MAL2: variants seen among roughly 807,000 people sequenced by gnomAD.
MAL2 encodes the protein mal, T cell differentiation protein 2, also known as protein MAL2.
A neutral mutation model predicts 18.1 loss-of-function variants in MAL2; 17 were observed. The ratio of observed to expected loss-of-function variants is 0.94; its 90% confidence interval spans 0.64 to 1.41. The LOEUF (loss-of-function observed/expected upper bound fraction) is 1.41. MAL2 is among the 40% of genes most tolerant of loss of function. The pLI, the probability that MAL2 is intolerant of heterozygous loss-of-function variation, is 0.00. For missense variants in MAL2, 222 were observed against 231.9 expected (o/e 0.96, Z 0.28); for synonymous variants, 102 against 102.3 (o/e 1.00, Z 0.02).
intron 2 of MAL2, among the ~76,000 whole-genome samples, chr8:119,237,188 A>G (rs902700100): frequency 6.6e-6 from 1 of 151,336 alleles, no homozygotes; most frequent in African/African-American, 2.4e-5. Flanking sequence ...GAAAATCTAG[A>G]AGAAATGGAT....
intron 1 of MAL2, 157 bp from the exon 2 acceptor site, chr8:119,221,430 A>G (rs1022798530): frequency 4.8e-6 from 4 of 826,772 alleles, no homozygotes; most frequent in Admixed American, 4.9e-5. Flanking sequence ...GGCATCTTAC[A>G]TAATAAGGGG....
intron 1 of MAL2, among the ~76,000 whole-genome samples, chr8:119,218,461 A>G (rs373630920): frequency 6.6e-6 from 1 of 151,884 alleles, no homozygotes; most frequent in Non-Finnish European, 1.5e-5. Context: ...TCCCCTGCCT[A>G]CCTTTCCAGA....
At chr8:119,234,559 G>C (rs886286662) in intron 2 of MAL2, among the ~76,000 whole-genome samples, 1 of 152,132 alleles carries the variant, frequency 6.6e-6, no homozygotes, top group Admixed American at 6.5e-5. Flanking sequence ...AAATGTCCCT[G>C]TCTGACAGCT....
Position 119,226,413 on chromosome 8 carries a change from T to C in MAL2, c.303+4656T>C, listed in dbSNP as rs558712488. On this transcript the variant is annotated intron_variant, in intron 2 of 3. Coordinates refer to ENST00000614891, the MANE Select transcript of MAL2 (RefSeq NM_052886.3). ...AATAGGGAATCCTTTCCCCCCCTTT[T>C]TTTTTTTAACTAGTAGATGGAAGTT... 2.7e-5 allele frequency among the ~76,000 whole-genome samples: 4 copies of C among 150,424 alleles called. No homozygotes were observed. The East Asian group carries it at 7.9e-4, about 30-fold the overall frequency.
chr8:119,235,667 C>G (rs1342053845), intron 2 of MAL2, among the ~76,000 whole-genome samples: 1 of 151,584 alleles, frequency 6.6e-6, no homozygotes. Flanking sequence ...GAATTTTCAA[C>G]CCAGAATTTC....
chr8:119,237,128 T>C (rs1817922275), intron 2 of MAL2, among the ~76,000 whole-genome samples: 1 of 152,066 alleles, frequency 6.6e-6, no homozygotes, highest in African/African-American at 2.4e-5. Context: ...TCCACAGAAA[T>C]ACAAACTGCC....
intron 1 of MAL2, among the ~76,000 whole-genome samples, chr8:119,217,011 GA>G (rs777325131): frequency 2.9e-4 from 44 of 152,176 alleles, no homozygotes; most frequent in Non-Finnish European, 5.3e-4. Context: ...GTCCAAACAG[GA>G]GATGAGTTAA....
rs961863847 is a variant in MAL2, at chr8:119,245,620, A to G, written c.*2132A>G. On this transcript the variant is annotated 3_prime_UTR_variant, in exon 4 of 4. Coordinates refer to ENST00000614891, the MANE Select transcript of MAL2 (RefSeq NM_052886.3). ...TTTAAAATCTGGTAACTCCATGATGAAAAGAAATTTATTTTATACGTGTTA... is the reference window on the plus strand; with the variant it reads ...TTTAAAATCTGGTAACTCCATGATGGAAAGAAATTTATTTTATACGTGTTA... 7.9e-5 allele frequency: 12 copies of G among 152,346 alleles called. No homozygotes were observed. The highest frequency in any genetic ancestry group is 7.9e-4 in the Admixed American group (12 of 15,268). 9.4% of individuals were successfully genotyped at this position (152,346 alleles called of 1,614,324 possible).
intron 1 of MAL2, among the ~76,000 whole-genome samples, chr8:119,220,318 C>A (rs1364025019): frequency 6.6e-6 from 1 of 152,192 alleles, no homozygotes; most frequent in African/African-American, 2.4e-5. Context: ...ATTCCTTTCT[C>A]TCTGTCCTCA....
chr8:119,245,553 T>G lies in MAL2; in HGVS notation c.*2065T>G, dbSNP rs1205658114. 1 of 152,600 alleles carries G rather than the reference T, an allele frequency of 6.6e-6. No homozygotes were observed. The highest frequency in any genetic ancestry group is 1.5e-5 in the Non-Finnish European group (1 of 68,026). The allele number at this position is 152,600 out of a possible 1,614,324, so 9.5% of individuals were successfully genotyped here. A position where few individuals can be genotyped will look rare whatever the true frequency, so the allele number is the denominator to read the frequency against. ...AACAAAAATTATGGCATTTAAGAAT[T>G]TAACATGTCTTAGCTGTAAAAATGA... On this transcript the variant is annotated 3_prime_UTR_variant, in exon 4 of 4. Transcript: ENST00000614891.
chr8:119,218,834 C>A (rs551797024), intron 1 of MAL2, among the ~76,000 whole-genome samples: 2 of 152,210 alleles, frequency 1.3e-5, no homozygotes, highest in East Asian at 3.9e-4. Flanking sequence ...AAACAGTGGC[C>A]AATTGCTTTT....
chr8:119,243,266 CAAA>C (rs201266588), intron 3 of MAL2, 148 bp from the exon 4 acceptor site: 19 of 446,906 alleles, frequency 4.3e-5, no homozygotes, highest in African/African-American at 1.9e-4. Flanking sequence ...TACAAATCAT[CAAA>C]AAAAAAAAAA....
intron 2 of MAL2, among the ~76,000 whole-genome samples, chr8:119,239,338 T>C (rs1357743331): frequency 6.6e-6 from 1 of 151,848 alleles, no homozygotes; most frequent in Non-Finnish European, 1.5e-5. Context: ...GACTGTAAAC[T>C]AGTTCAACCA....
intron 2 of MAL2, among the ~76,000 whole-genome samples, chr8:119,232,218 C>G (rs115396603): frequency 0.015 from 2,284 of 150,716 alleles, 61 homozygotes; most frequent in African/African-American, 0.054. Flanking sequence ...ATGTATTTTT[C>G]TCAATTAAAA....
Position 119,208,770 on chromosome 8 carries a change from C to T in MAL2, c.132+166C>T. 1.9e-6 allele frequency: 2 copies of T among 1,072,864 alleles called. No individual in the cohort carries two copies. The highest frequency in any genetic ancestry group is 2.4e-6 in the Non-Finnish European group (2 of 847,186). 66.5% of individuals were successfully genotyped at this position (1,072,864 alleles called of 1,614,324 possible). ...GTCCTCTCGGTGCCCCGCGCCGCCG[C>T]CCGGGCCCTCCCTCCTAGCACCTGT... On this transcript the variant is annotated intron_variant, in intron 1 of 3. Coordinates refer to ENST00000614891, the MANE Select transcript of MAL2 (RefSeq NM_052886.3). The surrounding 1 kb of genome is among the most constrained non-coding windows in gnomAD (Gnocchi z 4.3).
chr8:119,216,301 G>T (rs1342392111), intron 1 of MAL2, among the ~76,000 whole-genome samples: 1 of 152,142 alleles, frequency 6.6e-6, no homozygotes, highest in Non-Finnish European at 1.5e-5. Context: ...CATGAGAGGG[G>T]CAGAATAGCA....
Position 119,243,718 on chromosome 8 carries a change from C to G in MAL2, c.*230C>G, listed in dbSNP as rs1413573992. The G allele has an allele frequency of 5.4e-6, 2 of 367,138 alleles. No individual in the cohort carries two copies. Among genetic ancestry groups the G allele is most frequent in the South Asian group, 1.4e-4 (1 of 7,318 alleles). The allele number at this position is 367,138 out of a possible 1,614,324, so 22.7% of individuals were successfully genotyped here. ...ACATCTCTCCCCTTTTTCCCTTTCC[C>G]CCTTTATTTTCCTCCTTTTCTTTCT... On this transcript the variant is annotated 3_prime_UTR_variant, in exon 4 of 4. Coordinates refer to ENST00000614891, the MANE Select transcript of MAL2 (RefSeq NM_052886.3).
At chr8:119,213,777 C>A (rs115004432) in intron 1 of MAL2, among the ~76,000 whole-genome samples, 1 of 152,042 alleles carries the variant, frequency 6.6e-6, no homozygotes, top group East Asian at 1.9e-4. Context: ...AAGATCGCAC[C>A]ATCACCCTCC....
At chr8:119,242,860 A>G (rs1818074921) in intron 3 of MAL2, among the ~76,000 whole-genome samples, 1 of 152,224 alleles carries the variant, frequency 6.6e-6, no homozygotes, top group Non-Finnish European at 1.5e-5. Flanking sequence ...ATATACACAC[A>G]GTTGGTGCTG....
Sources: allele counts gnomAD v4.1 joint callset (sites outside exome capture counted in the v4.1 genomes callset), GRCh38; gene constraint gnomAD v4.1.1; non-coding constraint Gnocchi (gnomAD v3.1); transcripts MANE v1.5; gene names NCBI Gene and HGNC (gene_info 2026-07-23, HGNC 2026-07-21).